The following DDX25 variants were observed in gnomAD, a reference collection of about 807,000 sequenced individuals.
DDX25 encodes ATP-dependent RNA helicase DDX25.
Under a neutral mutation model 64.6 loss-of-function variants are expected in DDX25, and 70 were observed. The observed-to-expected ratio is 1.08, with a 90% confidence interval of 0.89 to 1.32. DDX25 has a LOEUF of 1.32. DDX25 is among the 40% of genes most tolerant of loss of function. The pLI is 0.00. For synonymous variants in DDX25, 211 were observed against 213.3 expected, an observed-to-expected ratio of 0.99 and a Z score of 0.09; for missense variants, 587 against 604.4, an observed-to-expected ratio of 0.97 and a Z score of 0.30.
At chr11:125,905,305 C>A in intron 2 of DDX25, 27 bp downstream of exon 2, 1 of 1,549,498 alleles carries the variant, frequency 6.5e-7, no homozygotes, top group Non-Finnish European at 8.7e-7. Context: ...CAAAGCAGAG[C>A]GACCTCAATG....
In DDX25 at chr11:125,910,360, A is replaced by G. The variant is rs1169188233; in HGVS notation, c.508-4A>G. ...TCCTCCCCTCTTCTCTCTCTATCCC[A>G]CAGTGCCTCTGCCTAGCTCCTACTT... On this transcript the variant is annotated splice_polypyrimidine_tract_variant and splice_region_variant and intron_variant, in intron 6 of 11. Transcript: ENST00000263576. 1 of 1,613,440 alleles carries G rather than the reference A, an allele frequency of 6.2e-7. No homozygotes were observed. The highest frequency in any genetic ancestry group is 8.5e-7 in the Non-Finnish European group (1 of 1,179,458).
chr11:125,905,302 G>A (rs1944868274), intron 2 of DDX25, 24 bp downstream of exon 2: 1 of 1,550,704 alleles, frequency 6.4e-7, no homozygotes, highest in Non-Finnish European at 8.7e-7. Flanking sequence ...GGGCAAAGCA[G>A]AGCGACCTCA....
intron 4 of DDX25, 105 bp from the exon 5 acceptor site, chr11:125,908,091 C>A: frequency 1.1e-6 from 1 of 890,286 alleles, no homozygotes; most frequent in Non-Finnish European, 1.7e-6. Context: ...AGTTTTAAAG[C>A]TCAGCTGCAA....
At chr11:125,909,950 C>A (rs1189320829) in intron 6 of DDX25, among the ~76,000 whole-genome samples, 2 of 152,176 alleles carry the variant, frequency 1.3e-5, no homozygotes, top group Admixed American at 1.3e-4. Context: ...CCGTGCCCAA[C>A]CTCAAAAATA....
upstream of DDX25, chr11:125,904,232 A>C: frequency 3.3e-6 from 1 of 307,628 alleles, no homozygotes; most frequent in Non-Finnish European, 5.9e-6. Flanking sequence ...ACTCTGCGGA[A>C]GCTGCCCCCT....
At chr11:125,908,641 A>G (rs1775012529) in intron 6 of DDX25, 138 bp downstream of exon 6, 1 of 910,094 alleles carries the variant, frequency 1.1e-6, no homozygotes, top group African/African-American at 1.6e-5. Context: ...AAAATCATAG[A>G]GCATTGGGTA....
intron 1 of DDX25, 36 bp from the exon 2 acceptor site, chr11:125,905,176 A>T (rs1265378528): frequency 1.3e-6 from 2 of 1,547,706 alleles, no homozygotes; most frequent in Non-Finnish European, 1.7e-6. Context: ...GAGGGCTTGC[A>T]TCCTAATATT....
At chr11:125,915,493 G>A (rs1945025972) in intron 8 of DDX25, among the ~76,000 whole-genome samples, 1 of 152,044 alleles carries the variant, frequency 6.6e-6, no homozygotes, top group East Asian at 1.9e-4. Flanking sequence ...CTTTCCTTAT[G>A]TATTATATAC....
chr11:125,923,105 T>C lies in DDX25; in HGVS notation c.*224T>C. The stretch of plus-strand genomic sequence containing the variant: ...AAAAAAAAGGCAAGATTATTTCTTA[T>C]TCTAATCTTTGTACAGGTAATGTCT... On this transcript the variant is annotated 3_prime_UTR_variant, in exon 12 of 12. Coordinates refer to ENST00000263576, the MANE Select transcript of DDX25 (RefSeq NM_013264.5). 1 of 530,578 alleles carries C rather than the reference T, an allele frequency of 1.9e-6. No homozygotes were observed. The highest frequency in any genetic ancestry group is 3.3e-6 in the Non-Finnish European group (1 of 298,592). 32.9% of individuals were successfully genotyped at this position (530,578 alleles called of 1,614,324 possible). A position where few individuals can be genotyped will look rare whatever the true frequency, so the allele number is the denominator to read the frequency against.
In DDX25 at chr11:125,906,225, CTT is replaced by C. The variant is rs1476831284; in HGVS notation, c.311+19_311+20del. The C allele has an allele frequency of 2.0e-6, 3 of 1,523,644 alleles. No homozygotes were observed. Among genetic ancestry groups the C allele is most frequent in the South Asian group, 2.6e-5 (2 of 78,234 alleles). 94.4% of individuals were successfully genotyped at this position (1,523,644 alleles called of 1,614,324 possible). ...AGCTGCGGCTGTGAGTATTTTTACT[CTT>C]TTAATATGGGAAAAATGCTGAAAAC... On this transcript the variant is annotated intron_variant, in intron 4 of 11. Transcript: ENST00000263576.
chr11:125,913,581 A>G (rs1944994183), intron 8 of DDX25, among the ~76,000 whole-genome samples: 1 of 152,192 alleles, frequency 6.6e-6, no homozygotes, highest in African/African-American at 2.4e-5. Context: ...GTTGTTACTG[A>G]AAAGTTTAAT....
In DDX25 at chr11:125,905,100, G is replaced by A. The variant is rs551612858; in HGVS notation, c.64-112G>A. The stretch of plus-strand genomic sequence containing the variant: ...GCTGCTACCTAATATTGCAAAGGAA[G>A]CAATACCCGGGTGTCCTTCCCTGAA... On this transcript the variant is annotated intron_variant, in intron 1 of 11. Transcript: ENST00000263576. The A allele has an allele frequency of 9.9e-6, 9 of 913,414 alleles. No homozygotes were observed. The East Asian group carries it at 1.9e-4, about 19-fold the overall frequency. The allele number at this position is 913,414 out of a possible 1,614,324, so 56.6% of individuals were successfully genotyped here.
chr11:125,918,399 G>A lies in DDX25; in HGVS notation c.1039-229G>A, dbSNP rs117565577. ...TAGCACATTTATCTCCATTTCATGC[G>A]TGAGAAAGCCAGAGGTCTGACTGGT... On this transcript the variant is annotated intron_variant, in intron 9 of 11. Transcript: ENST00000263576. 2.3e-4 allele frequency among the ~76,000 whole-genome samples: 35 copies of A among 152,218 alleles called. 1 individual carries two copies. Among genetic ancestry groups the A allele is most frequent in the East Asian group, 1.4e-3 (7 of 5,174 alleles).
upstream of DDX25, chr11:125,904,299 CCCTCCGCCCCGCTCTCTG>C (rs869185519): frequency 2.7e-6 from 1 of 373,040 alleles, no homozygotes; most frequent in East Asian, 4.0e-5. Flanking sequence ...CCGCTCTCTG[CCCTCCGCCCCGCTCTCTG>C]CCCCCCGCCC....
In DDX25 at chr11:125,925,373, G is replaced by T. The variant is rs1483097088; in HGVS notation, c.*2492G>T. ...CCTTTGTCTCACCACCTAGGAGGCA[G>T]CAAAGCCATCCTGTGTCACAGCTGC... On this transcript the variant is annotated 3_prime_UTR_variant, in exon 12 of 12. Coordinates refer to ENST00000263576, the MANE Select transcript of DDX25 (RefSeq NM_013264.5). 4.4e-6 allele frequency: 2 copies of T among 455,880 alleles called. No individual in the cohort carries two copies. Among genetic ancestry groups the T allele is most frequent in the South Asian group, 1.5e-5 (1 of 64,530 alleles). The allele number at this position is 455,880 out of a possible 1,614,324, so 28.2% of individuals were successfully genotyped here. A position where few individuals can be genotyped will look rare whatever the true frequency, so the allele number is the denominator to read the frequency against.
At position 125,918,742 on chromosome 11, in the gene DDX25, C is replaced by T; in HGVS notation, c.1153C>T (p.Arg385Trp). 17 of 1,609,866 alleles carry T rather than the reference C, an allele frequency of 1.1e-5. No individual in the cohort carries two copies. The highest frequency in any genetic ancestry group is 2.2e-5 in the South Asian group (2 of 90,238). Residue 385 changes from arginine to tryptophan, a missense_variant, in exon 10 of 12, where the codon CGG becomes TGG. Coordinates refer to ENST00000263576, the MANE Select transcript of DDX25 (RefSeq NM_013264.5). ...EQRASIIQRF[R>W]DGKEKVLITT... ...GCGAGCTTCCATCATTCAGAGGTTTCGGGATGGGAAAGAGAAGGTTCTCAT... is the reference window on the plus strand; with the variant it reads ...GCGAGCTTCCATCATTCAGAGGTTTTGGGATGGGAAAGAGAAGGTTCTCAT...
intron 3 of DDX25, 29 bp from the exon 4 acceptor site, chr11:125,906,045 T>TG: frequency 6.6e-7 from 1 of 1,526,348 alleles, no homozygotes; most frequent in Non-Finnish European, 8.8e-7. Flanking sequence ...GGAAGCTTGA[T>TG]GTCCTCTTTT....
intron 10 of DDX25, chr11:125,920,933 C>T (rs886844765): frequency 2.3e-6 from 1 of 425,900 alleles, no homozygotes; most frequent in Non-Finnish European, 4.3e-6. Flanking sequence ...CACACACACA[C>T]ACACACACAC....
chr11:125,912,573 GA>G (rs1944980207), intron 8 of DDX25, among the ~76,000 whole-genome samples: 1 of 152,194 alleles, frequency 6.6e-6, no homozygotes, highest in East Asian at 1.9e-4. Flanking sequence ...TATTTATAAT[GA>G]CAAGAAAAAA....
Sources: allele counts gnomAD v4.1 joint callset (sites outside exome capture counted in the v4.1 genomes callset), GRCh38; gene constraint gnomAD v4.1.1; transcripts MANE v1.5; gene names NCBI Gene and HGNC (gene_info 2026-07-23, HGNC 2026-07-21).